The following DPP10 variants were observed in gnomAD, a reference collection of about 807,000 sequenced individuals.
DPP10 encodes the protein dipeptidyl peptidase like 10, also known as inactive dipeptidyl peptidase 10.
DPP10 carries 33 observed loss-of-function variants against 120.9 expected under a neutral mutation model. The observed-to-expected ratio is 0.27, with a 90% CI of 0.21 to 0.37. DPP10 has a LOEUF of 0.37. Ranked by LOEUF, DPP10 falls within the 10% of genes least tolerant of loss-of-function variation. DPP10 has a pLI of 1.00. For synonymous variants in DPP10, 337 were observed against 326.1 expected (o/e 1.03, Z -0.36); for missense variants, 816 against 942.8 (o/e 0.87, Z 1.76).
intron 8 of DPP10, among the ~76,000 whole-genome samples, chr2:115,732,681 A>G (rs899328903): frequency 6.6e-6 from 1 of 152,178 alleles, no homozygotes; most frequent in African/African-American, 2.4e-5. Flanking sequence ...GAAAATTTCC[A>G]TAAAGCATTT....
intron 19 of DPP10, among the ~76,000 whole-genome samples, chr2:115,812,352 C>T (rs1479959057): frequency 4.6e-5 from 7 of 152,164 alleles, no homozygotes; most frequent in Non-Finnish European, 1.0e-4. Context: ...AGAAGGTCTA[C>T]TTCAACAAGC....
At chr2:115,087,182 T>C (rs868561800) in intron 1 of DPP10, among the ~76,000 whole-genome samples, 3 of 152,308 alleles carry the variant, frequency 2.0e-5, no homozygotes, top group African/African-American at 7.2e-5. Context: ...TCCATAATGG[T>C]ATTTTTAAAA....
At chr2:115,759,384 C>T (rs1176081653) in intron 11 of DPP10, among the ~76,000 whole-genome samples, 1 of 150,184 alleles carries the variant, frequency 6.7e-6, no homozygotes, top group Non-Finnish European at 1.5e-5. Flanking sequence ...AAAATGAGAT[C>T]CCATTTCTAT....
chr2:115,475,928 C>G (rs533823961), intron 3 of DPP10, among the ~76,000 whole-genome samples: 10 of 152,268 alleles, frequency 6.6e-5, no homozygotes, highest in African/African-American at 2.2e-4. Flanking sequence ...AACATTGTAT[C>G]TTGGAAGTAA....
chr2:115,162,410 C>A (rs182254323), intron 1 of DPP10: 52 of 1,255,552 alleles, frequency 4.1e-5, no homozygotes, highest in Non-Finnish European at 5.4e-5. Flanking sequence ...CTGACGGCCG[C>A]TCACCGGGTT....
intron 1 of DPP10, among the ~76,000 whole-genome samples, chr2:115,284,082 T>A (rs1305536871): frequency 6.6e-6 from 1 of 152,026 alleles, no homozygotes; most frequent in Non-Finnish European, 1.5e-5. Flanking sequence ...TGTGATCATT[T>A]CCCAGTTACA....
At chr2:114,687,908 T>C (rs1699478525) in intron 1 of DPP10, among the ~76,000 whole-genome samples, 1 of 152,060 alleles carries the variant, frequency 6.6e-6, no homozygotes, top group Admixed American at 6.6e-5. Context: ...CTGTTATTCA[T>C]CTGTCATGAA....
chr2:114,826,133 C>T (rs1176796473), intron 1 of DPP10, among the ~76,000 whole-genome samples: 2 of 152,116 alleles, frequency 1.3e-5, no homozygotes, highest in African/African-American at 4.8e-5. Context: ...TGGTTTGTAG[C>T]ATTTTGCAGC....
chr2:115,314,269 A>G (rs1380335507), intron 2 of DPP10, among the ~76,000 whole-genome samples: 2 of 152,212 alleles, frequency 1.3e-5, no homozygotes, highest in Non-Finnish European at 1.5e-5. Flanking sequence ...TTCTTCAGCA[A>G]CAATGGCCTG....
At chr2:115,207,621 A>G (rs2056236873) in intron 1 of DPP10, among the ~76,000 whole-genome samples, 1 of 152,140 alleles carries the variant, frequency 6.6e-6, no homozygotes, top group Admixed American at 6.5e-5. Context: ...CAAACGCAAG[A>G]GAGCATGTCC....
intron 1 of DPP10, among the ~76,000 whole-genome samples, chr2:114,742,365 C>T (rs1678149551): frequency 1.3e-5 from 2 of 152,078 alleles, no homozygotes; most frequent in South Asian, 4.1e-4. Flanking sequence ...AAATATTTGG[C>T]ATATGAAAAG....
chr2:115,227,815 T>C (rs571925676), intron 1 of DPP10, among the ~76,000 whole-genome samples: 4 of 152,224 alleles, frequency 2.6e-5, no homozygotes, highest in African/African-American at 9.6e-5. Context: ...AGCCATTTTA[T>C]GCTTTCTTTT....
intron 1 of DPP10, among the ~76,000 whole-genome samples, chr2:115,245,331 A>G (rs544106797): frequency 6.6e-6 from 1 of 152,002 alleles, no homozygotes; most frequent in Non-Finnish European, 1.5e-5. Context: ...TGAATAGACA[A>G]TTCTCAAAAG....
intron 5 of DPP10, among the ~76,000 whole-genome samples, chr2:115,684,585 GGCCATGAAAATGAAT>G (rs2090868911): frequency 1.3e-5 from 2 of 151,696 alleles, no homozygotes; most frequent in Non-Finnish European, 2.9e-5. Context: ...ATATTCTCCA[GGCCATGAAAATGAAT>G]GCTATTTATA....
At chr2:114,749,548 CTTTTATTTTA>C (rs374862583) in intron 1 of DPP10, among the ~76,000 whole-genome samples, 1,926 of 125,614 alleles carry the variant, frequency 0.015, 30 homozygotes, top group Middle Eastern at 0.045. Context: ...TCTAGCACTG[CTTTTATTTTA>C]TTTTATTTTA....
intron 1 of DPP10, among the ~76,000 whole-genome samples, chr2:114,589,838 G>A (rs889918656): frequency 1.2e-4 from 18 of 151,912 alleles, no homozygotes; most frequent in African/African-American, 1.7e-4. Flanking sequence ...CAACCTCTTG[G>A]TGGTTGCAGA....
At chr2:115,402,476 A>G (rs573583172) in intron 3 of DPP10, among the ~76,000 whole-genome samples, 106 of 152,300 alleles carry the variant, frequency 7.0e-4, no homozygotes, top group African/African-American at 2.4e-3. Flanking sequence ...TTACACCACT[A>G]AAATACGAAG....
intron 1 of DPP10, among the ~76,000 whole-genome samples, chr2:115,194,816 C>A (rs941887403): frequency 1.3e-5 from 2 of 152,156 alleles, no homozygotes; most frequent in South Asian, 4.1e-4. Context: ...ATAACAATGC[C>A]ACCTGTTGGA....
chr2:114,611,604 T>A lies in DPP10; in HGVS notation c.60+168766T>A, dbSNP rs764372176. Among the ~76,000 whole-genome samples, 4 of 152,234 alleles carry A rather than the reference T, an allele frequency of 2.6e-5. No individual in the cohort carries two copies. In the East Asian group the frequency reaches 7.7e-4, roughly 29 times the overall value. The stretch of plus-strand genomic sequence containing the variant: ...GTGTTACATTATGAGAAAATATTTA[T>A]GCCAATGGATACATTTGAAAAACAA... On this transcript the variant is annotated intron_variant, in intron 1 of 25. Transcript: ENST00000410059.
Sources: gnomAD v4.1 joint callset for allele counts (sites outside exome capture counted in the v4.1 genomes callset) on GRCh38, gnomAD v4.1.1 for gene constraint, MANE v1.5 for transcripts, NCBI Gene and HGNC (gene_info 2026-07-23, HGNC 2026-07-21) for gene names.